CACUL1: variants seen among roughly 807,000 people sequenced by gnomAD.
CACUL1 encodes CDK2-associated and cullin domain-containing protein 1.
Under a neutral mutation model 45.2 loss-of-function variants are expected in CACUL1, and 13 were observed. The observed-to-expected ratio is 0.29, with a 90% confidence interval of 0.19 to 0.46. The LOEUF (loss-of-function observed/expected upper bound fraction) is 0.46, where lower values mean the gene tolerates loss of function less well. Among genes scored for constraint, CACUL1 ranks in the 20% least tolerant of loss-of-function variants. The pLI is 1.00. For missense variants in CACUL1, 421 were observed against 471.4 expected (o/e 0.89, Z 0.99); for synonymous variants, 197 against 174.2 (o/e 1.13, Z -1.03).
At chr10:118,692,054 G>A (rs1303321564) in intron 6 of CACUL1, among the ~76,000 whole-genome samples, 1 of 151,798 alleles carries the variant, frequency 6.6e-6, no homozygotes, top group Non-Finnish European at 1.5e-5. Context: ...GAGGGGACTT[G>A]GTGTAAATAT....
At chr10:118,688,391 C>T (rs954551762) in intron 7 of CACUL1, among the ~76,000 whole-genome samples, 1 of 152,188 alleles carries the variant, frequency 6.6e-6, no homozygotes, top group Admixed American at 6.5e-5. Context: ...AAAAGGAAGA[C>T]AGAATTTTAT....
rs1845436579 is a variant in CACUL1 at position 118,706,807 on chromosome 10, GTTTTGT to G, written c.693+679_693+684del. Among the ~76,000 whole-genome samples the G allele has an allele frequency of 3.9e-5, 6 of 152,236 alleles. No homozygotes were observed. The South Asian group carries it at 1.2e-3, about 32-fold the overall frequency. On this transcript the variant is annotated intron_variant, in intron 4 of 8. Coordinates refer to ENST00000369151, the MANE Select transcript of CACUL1 (RefSeq NM_153810.5). ...CTAAATTAAAGACAGGGGTAGTTTTGTTTTGTTTTTGTTAAGTGCATTTTATGGAAA... is the reference window on the plus strand; with the variant it reads ...CTAAATTAAAGACAGGGGTAGTTTTGTTTTGTTAAGTGCATTTTATGGAAA...
At position 118,676,823 on chromosome 10, in the gene CACUL1, AAT is replaced by A. The variant is rs1202324214; in HGVS notation, c.*9303_*9304del. Reference sequence around the variant, plus strand: ...ATATGTTCAAATTTAAACATTTTAAAATATATATGTCTATGTACACACACACA... The same window carrying A: ...ATATGTTCAAATTTAAACATTTTAAAATATATGTCTATGTACACACACACA... On this transcript the variant is annotated 3_prime_UTR_variant, in exon 9 of 9. Transcript: ENST00000369151. 2 of 134,456 alleles carry A rather than the reference AAT, an allele frequency of 1.5e-5. No homozygotes were observed. The highest frequency in any genetic ancestry group is 5.7e-5 in the African/African-American group (2 of 34,888). 8.3% of individuals were successfully genotyped at this position (134,456 alleles called of 1,614,324 possible). A position where few individuals can be genotyped will look rare whatever the true frequency, so the allele number is the denominator to read the frequency against.
chr10:118,688,132 A>G (rs1845226772), intron 7 of CACUL1, among the ~76,000 whole-genome samples: 1 of 152,234 alleles, frequency 6.6e-6, no homozygotes, highest in Non-Finnish European at 1.5e-5. Context: ...AGGAGCCTCA[A>G]CTGACCGGCA....
intron 3 of CACUL1, among the ~76,000 whole-genome samples, chr10:118,716,032 C>A (rs1003859651): frequency 1.3e-5 from 2 of 152,036 alleles, no homozygotes; most frequent in East Asian, 1.9e-4. Context: ...GTCAGGAGGT[C>A]GAGACCATCC....
At chr10:118,733,075 T>C (rs1845711339) in intron 1 of CACUL1, among the ~76,000 whole-genome samples, 2 of 152,164 alleles carry the variant, frequency 1.3e-5, no homozygotes, top group South Asian at 2.1e-4. Context: ...ATAAACCACA[T>C]GCTATGGCTC....
chr10:118,691,120 CA>C lies in CACUL1; in HGVS notation c.1025+144del, dbSNP rs1324340898. 3 of 674,640 alleles carry C rather than the reference CA, an allele frequency of 4.4e-6. No individual in the cohort carries two copies. The African/African-American group carries it at 5.4e-5, about 12-fold the overall frequency. The allele number at this position is 674,640 out of a possible 1,614,324, so 41.8% of individuals were successfully genotyped here. On this transcript the variant is annotated intron_variant, in intron 7 of 8. Transcript: ENST00000369151. ...AACCTAGCTTCAACATTTCTACAGA[CA>C]AGGAGCTAATGTCTTCTTGCAGCAG... is the stretch of plus-strand genomic sequence containing the variant.
At chr10:118,689,390 T>C (rs1024278999) in intron 7 of CACUL1, among the ~76,000 whole-genome samples, 1 of 152,248 alleles carries the variant, frequency 6.6e-6, no homozygotes, top group South Asian at 2.1e-4. Context: ...TTAATCCTCA[T>C]AGCACATGTA....
intron 4 of CACUL1, among the ~76,000 whole-genome samples, chr10:118,705,799 C>T (rs1845427267): frequency 6.6e-6 from 1 of 152,152 alleles, no homozygotes; most frequent in Non-Finnish European, 1.5e-5. Context: ...AGTAGGTTAA[C>T]ATTTCAAACT....
At chr10:118,692,458 A>G (rs1485822960) in intron 6 of CACUL1, 1 of 152,212 alleles carries the variant, frequency 6.6e-6, no homozygotes, top group Non-Finnish European at 1.5e-5. Context: ...TAGAAACAGA[A>G]TAGCCCTGTT....
At chr10:118,696,496 T>G (rs548244291) in intron 5 of CACUL1, among the ~76,000 whole-genome samples, 3 of 152,154 alleles carry the variant, frequency 2.0e-5, no homozygotes, top group Admixed American at 1.3e-4. Context: ...ACAAAAAAAT[T>G]GGCTAGGCGT....
Position 118,730,423 on chromosome 10 carries a change from A to T in CACUL1, c.368-13T>A. 1 of 1,597,122 alleles carries T rather than the reference A, an allele frequency of 6.3e-7. No homozygotes were observed. The highest frequency in any genetic ancestry group is 8.5e-7 in the Non-Finnish European group (1 of 1,170,578). Reference sequence around the variant, plus strand: ...ATAACATTCATTACTAAAAGTAAAAAGTAAAATAAATATTACTACGTGCCA... The same window carrying T: ...ATAACATTCATTACTAAAAGTAAAATGTAAAATAAATATTACTACGTGCCA... On this transcript the variant is annotated splice_polypyrimidine_tract_variant and intron_variant, in intron 1 of 8. Transcript: ENST00000369151.
At chr10:118,697,075 CAG>C (rs1845330505) in intron 5 of CACUL1, among the ~76,000 whole-genome samples, 1 of 152,048 alleles carries the variant, frequency 6.6e-6, no homozygotes. Context: ...TTTAGGAAAA[CAG>C]TGTTTAAAAC....
intron 3 of CACUL1, among the ~76,000 whole-genome samples, chr10:118,722,456 C>T (rs1356900908): frequency 1.3e-5 from 2 of 152,096 alleles, no homozygotes. Context: ...CCATCCAGCT[C>T]CATCCTGCCT....
At position 118,699,693 on chromosome 10, in the gene CACUL1, G is replaced by A. The variant is rs1845358845; in HGVS notation, c.796+1613C>T. On this transcript the variant is annotated intron_variant, in intron 5 of 8. Coordinates refer to ENST00000369151, the MANE Select transcript of CACUL1 (RefSeq NM_153810.5). ...GGAGTCTTGCTCTGTCGCCCAGGCT[G>A]GAGTGCAGTGACGCGATCTCGGCTC... Among the ~76,000 whole-genome samples the A allele has an allele frequency of 2.0e-5, 3 of 151,494 alleles. No homozygotes were observed. The South Asian group carries it at 6.3e-4, about 32-fold the overall frequency.
At chr10:118,750,482 C>T (rs1845887193) in intron 1 of CACUL1, among the ~76,000 whole-genome samples, 2 of 152,200 alleles carry the variant, frequency 1.3e-5, no homozygotes. Flanking sequence ...GGTCTCTTCA[C>T]TGTGACAAAT....
intron 3 of CACUL1, among the ~76,000 whole-genome samples, chr10:118,725,173 T>G (rs919065570): frequency 6.6e-6 from 1 of 152,180 alleles, no homozygotes; most frequent in Non-Finnish European, 1.5e-5. Context: ...GTTATTACTT[T>G]TAAAGAAAGA....
intron 4 of CACUL1, among the ~76,000 whole-genome samples, chr10:118,707,182 T>G (rs1845439990): frequency 6.6e-6 from 1 of 152,218 alleles, no homozygotes; most frequent in Non-Finnish European, 1.5e-5. Context: ...TTACATATCT[T>G]TATATTTCTG....
chr10:118,722,985 G>C (rs1394154059), intron 3 of CACUL1, among the ~76,000 whole-genome samples: 3 of 152,260 alleles, frequency 2.0e-5, no homozygotes, highest in African/African-American at 7.2e-5. Context: ...ATTAAAAGTA[G>C]GTATGAGTGC....
Sources: gnomAD v4.1 joint callset for allele counts (sites outside exome capture counted in the v4.1 genomes callset) on GRCh38, gnomAD v4.1.1 for gene constraint, MANE v1.5 for transcripts, NCBI Gene and HGNC (gene_info 2026-07-23, HGNC 2026-07-21) for gene names.